The following CHD6 variants were observed in gnomAD, a reference collection of about 807,000 sequenced individuals.
CHD6 encodes chromodomain helicase DNA binding protein 6.
Under a neutral mutation model 276.9 loss-of-function variants are expected in CHD6, and 50 were observed. The ratio of observed to expected loss-of-function variants is 0.18; its 90% CI spans 0.14 to 0.23. The LOEUF is 0.23. Among genes scored for constraint, CHD6 ranks in the 10% least tolerant of loss-of-function variants. The probability of loss-of-function intolerance (pLI) is 1.00; values close to 1 mark genes in which losing one functional copy is unlikely to be tolerated. For missense variants in CHD6, 2,564 were observed against 3,365.8 expected (o/e 0.76, Z 5.89); for synonymous variants, 1,173 against 1,229.3 (o/e 0.95, Z 0.96).
At chr20:41,450,248 G>A (rs961862968) in intron 23 of CHD6, among the ~76,000 whole-genome samples, 2 of 152,154 alleles carry the variant, frequency 1.3e-5, no homozygotes, top group East Asian at 3.9e-4. Flanking sequence ...ATTACCAGAG[G>A]TGTGCGACCG....
chr20:41,434,495 T>C (rs929733003), intron 27 of CHD6, among the ~76,000 whole-genome samples: 4 of 152,096 alleles, frequency 2.6e-5, no homozygotes, highest in Admixed American at 6.5e-5. Flanking sequence ...CTCAGCCTCC[T>C]GAGTAGCTGG....
chr20:41,527,400 G>A (rs1161747012), intron 3 of CHD6, among the ~76,000 whole-genome samples: 3 of 151,918 alleles, frequency 2.0e-5, no homozygotes, highest in South Asian at 2.1e-4. Context: ...CAGCCTGGGC[G>A]ACAGAGCGAG....
intron 1 of CHD6, among the ~76,000 whole-genome samples, chr20:41,575,729 T>C (rs1056257885): frequency 1.3e-5 from 2 of 152,232 alleles, no homozygotes; most frequent in East Asian, 1.9e-4. Flanking sequence ...ATTTCTCAAA[T>C]TTCTCCCTTT....
intron 27 of CHD6, among the ~76,000 whole-genome samples, chr20:41,431,178 T>C (rs1270325549): frequency 1.3e-5 from 2 of 152,178 alleles, no homozygotes; most frequent in Admixed American, 6.5e-5. Context: ...ACTTCCTTCA[T>C]GTTACCGGGG....
chr20:41,598,911 C>T (rs1479135744), intron 1 of CHD6, among the ~76,000 whole-genome samples: 4 of 152,072 alleles, frequency 2.6e-5, no homozygotes, highest in East Asian at 1.9e-4. Flanking sequence ...GGCATTTCGT[C>T]GACTAAGCAA....
At chr20:41,448,110 A>G in intron 23 of CHD6, 139 bp from the exon 24 acceptor site, 2 of 489,094 alleles carry the variant, frequency 4.1e-6, no homozygotes, top group South Asian at 7.9e-5. Context: ...AAGGCACTAG[A>G]AAAACAAAAC....
chr20:41,458,925 T>A (rs985629405), intron 17 of CHD6, among the ~76,000 whole-genome samples: 1 of 152,080 alleles, frequency 6.6e-6, no homozygotes, highest in African/African-American at 2.4e-5. Context: ...CAGTAAGACA[T>A]GTGGCCCTTG....
chr20:41,498,807 ATGTATGTGTGTGTGTGTGTGTG>A (rs2043755111), intron 6 of CHD6, among the ~76,000 whole-genome samples: 9 of 117,650 alleles, frequency 7.6e-5, no homozygotes, highest in African/African-American at 6.8e-5. Context: ...GTATGTATGT[ATGTATGTGTGTGTGTGTGTGTG>A]TGTGTGTGTG....
At chr20:41,546,840 T>C (rs1044013185) in intron 2 of CHD6, among the ~76,000 whole-genome samples, 15 of 152,240 alleles carry the variant, frequency 9.9e-5, no homozygotes, top group Admixed American at 2.0e-4. Context: ...TTAAACGTTT[T>C]ATTAAAATCT....
intron 17 of CHD6, among the ~76,000 whole-genome samples, chr20:41,472,562 T>C (rs903226696): frequency 2.6e-5 from 4 of 152,242 alleles, no homozygotes; most frequent in African/African-American, 9.6e-5. Flanking sequence ...ATAATGGCTG[T>C]AAATCTATAT....
chr20:41,445,248 T>C (rs139925059), intron 25 of CHD6, among the ~76,000 whole-genome samples: 148 of 152,342 alleles, frequency 9.7e-4, no homozygotes, highest in Admixed American at 3.3e-3. Flanking sequence ...TAGGAAGATG[T>C]AGATTATCGA....
At chr20:41,604,703 T>C (rs1351759319) in intron 1 of CHD6, among the ~76,000 whole-genome samples, 1 of 152,176 alleles carries the variant, frequency 6.6e-6, no homozygotes, top group Non-Finnish European at 1.5e-5. Context: ...CTGCCACCCA[T>C]CTTCTCTAAG....
At chr20:41,436,739 G>C (rs1338610683) in intron 27 of CHD6, among the ~76,000 whole-genome samples, 1 of 152,076 alleles carries the variant, frequency 6.6e-6, no homozygotes, top group Non-Finnish European at 1.5e-5. Flanking sequence ...GAACTTTTCT[G>C]CATGAAAAAG....
chr20:41,565,269 T>C (rs1339100961), intron 1 of CHD6, among the ~76,000 whole-genome samples: 1 of 152,108 alleles, frequency 6.6e-6, no homozygotes, highest in Admixed American at 6.6e-5. Flanking sequence ...CTAATTTTTG[T>C]ATTTTTAATA....
intron 36 of CHD6, among the ~76,000 whole-genome samples, chr20:41,411,483 CT>C (rs1160523906): frequency 1.3e-5 from 2 of 152,164 alleles, no homozygotes; most frequent in Admixed American, 1.3e-4. Flanking sequence ...GCAGAAAGTG[CT>C]TTTAGGAGGC....
intron 1 of CHD6, among the ~76,000 whole-genome samples, chr20:41,615,115 T>C (rs946119800): frequency 6.6e-6 from 1 of 152,220 alleles, no homozygotes; most frequent in Non-Finnish European, 1.5e-5. Context: ...GGACATGTAT[T>C]GGATACAGAT....
At chr20:41,431,510 C>T (rs1279512336) in intron 27 of CHD6, among the ~76,000 whole-genome samples, 1 of 152,144 alleles carries the variant, frequency 6.6e-6, no homozygotes, top group Non-Finnish European at 1.5e-5. Context: ...AACATTCTCT[C>T]TATTACTCAA....
At position 41,417,237 on chromosome 20, in the gene CHD6, T is replaced by C. The variant is rs1473970838; in HGVS notation, c.6240A>G (p.Leu2080=). 1.2e-6 allele frequency: 2 copies of C among 1,614,138 alleles called. No homozygotes were observed. Among genetic ancestry groups the C allele is most frequent in the South Asian group, 1.1e-5 (1 of 91,076 alleles). ...EARAPTIAQL[L]QEKTLYSFSE... is the part of the protein sequence containing the mutation. The stretch of plus-strand genomic sequence containing the variant: ...AGAAGGAATAGAGAGTTTTCTCCTG[T>C]AGCAGCTGAGCAATAGTGGGAGCTC... Residue 2080 remains leucine, a synonymous_variant, in exon 32 of 37, where the codon CTA becomes CTG. Transcript: ENST00000373233.
At chr20:41,588,297 T>C (rs1474561082) in intron 1 of CHD6, among the ~76,000 whole-genome samples, 1 of 152,196 alleles carries the variant, frequency 6.6e-6, no homozygotes, top group Non-Finnish European at 1.5e-5. Context: ...CACTCAGGCA[T>C]CTGAGTTGCG....
Sources: allele counts gnomAD v4.1 joint callset (sites outside exome capture counted in the v4.1 genomes callset), GRCh38; gene constraint gnomAD v4.1.1; transcripts MANE v1.5; gene names NCBI Gene and HGNC (gene_info 2026-07-23, HGNC 2026-07-21).